CFAP77: variants seen among roughly 807,000 people sequenced by gnomAD.
The protein encoded by CFAP77 is cilia- and flagella-associated protein 77.
CFAP77 carries 25 observed loss-of-function variants against 31.1 expected under a neutral mutation model. The ratio of observed to expected loss-of-function variants is 0.80; its 90% CI spans 0.59 to 1.12. The LOEUF (loss-of-function observed/expected upper bound fraction) is 1.12. CFAP77 is among the 50% of genes most tolerant of loss of function. The pLI, the probability that CFAP77 is intolerant of heterozygous loss-of-function variation, is 0.00. For synonymous variants in CFAP77, 151 were observed against 159.9 expected (o/e 0.94, Z 0.42); for missense variants, 377 against 397.3 (o/e 0.95, Z 0.44).
At chr9:132,444,974 CTTT>C (rs564127221) in intron 1 of CFAP77, among the ~76,000 whole-genome samples, 4 of 133,726 alleles carry the variant, frequency 3.0e-5, no homozygotes, top group Non-Finnish European at 3.2e-5. Context: ...TTCTTTCTTT[CTTT>C]TTTTTTTTTT....
intron 1 of CFAP77, among the ~76,000 whole-genome samples, chr9:132,413,893 C>T (rs1165361917): frequency 6.6e-6 from 1 of 152,172 alleles, no homozygotes; most frequent in Admixed American, 6.5e-5. Flanking sequence ...ATAAGAAGTG[C>T]ATGCATTTTT....
At chr9:132,425,072 C>G (rs777512596) in intron 1 of CFAP77, among the ~76,000 whole-genome samples, 1 of 152,152 alleles carries the variant, frequency 6.6e-6, no homozygotes, top group African/African-American at 2.4e-5. Context: ...AACCAACAGG[C>G]CTGATCTGGC....
At chr9:132,550,688 T>A (rs772222369) in intron 5 of CFAP77, among the ~76,000 whole-genome samples, 1 of 150,590 alleles carries the variant, frequency 6.6e-6, no homozygotes, top group African/African-American at 2.5e-5. Flanking sequence ...AATTTTTAAT[T>A]TTTTTTTTGT....
At chr9:132,478,749 A>AGGT (rs1851395863) in intron 1 of CFAP77, among the ~76,000 whole-genome samples, 1 of 152,174 alleles carries the variant, frequency 6.6e-6, no homozygotes, top group Non-Finnish European at 1.5e-5. Flanking sequence ...AACCAAAATG[A>AGGT]TGGAGTTCAT....
At chr9:132,533,450 C>G (rs1167175291) in intron 3 of CFAP77, among the ~76,000 whole-genome samples, 1 of 147,398 alleles carries the variant, frequency 6.8e-6, no homozygotes, top group Admixed American at 6.6e-5. Flanking sequence ...AGGCCCCGCT[C>G]CCTCCCAGGG....
rs994716045 is a variant in CFAP77, at chr9:132,424,802, A to G, written c.195+14336A>G. On this transcript the variant is annotated intron_variant, in intron 1 of 5. Transcript: ENST00000393216. The surrounding 1 kb of genome is among the most constrained non-coding windows in gnomAD (Gnocchi z 4.1). ...CAGGGAGCCAGGATGGCTGGGGGCAAAACCTCCATCAAGGCTGAGCAGAGC... is the reference window on the plus strand; with the variant it reads ...CAGGGAGCCAGGATGGCTGGGGGCAGAACCTCCATCAAGGCTGAGCAGAGC... Among the ~76,000 whole-genome samples the G allele has an allele frequency of 1.3e-5, 2 of 152,204 alleles. No homozygotes were observed. The highest frequency in any genetic ancestry group is 2.9e-5 in the Non-Finnish European group (2 of 68,024).
rs557054288 is a variant in CFAP77 at position 132,517,962 on chromosome 9, T to C, written c.524+18362T>C. Among the ~76,000 whole-genome samples, 2 of 152,290 alleles carry C rather than the reference T, an allele frequency of 1.3e-5. No individual in the cohort carries two copies. The highest frequency in any genetic ancestry group is 2.4e-5 in the African/African-American group (1 of 41,566). On this transcript the variant is annotated intron_variant, in intron 3 of 5. Coordinates refer to ENST00000393216, the MANE Select transcript of CFAP77 (RefSeq NM_001282957.2). This position sits in a 1 kb window ranked among gnomAD's most constrained non-coding sequence, Gnocchi z 4.7. The stretch of plus-strand genomic sequence containing the variant: ...CTGATTTCATTTCATTCCCCCTTTT[T>C]CGCTTTATGGGACTGAGTTTTGACC...
intron 4 of CFAP77, among the ~76,000 whole-genome samples, chr9:132,538,303 G>A (rs763971986): frequency 2.0e-5 from 3 of 151,996 alleles, no homozygotes; most frequent in African/African-American, 7.3e-5. Context: ...CTTCCCAGGC[G>A]TGGAAGTCGA....
Position 132,564,942 on chromosome 9 carries a change from C to T in CFAP77, c.733-7446C>T, listed in dbSNP as rs189710308. Among the ~76,000 whole-genome samples, 1 of 152,110 alleles carries T rather than the reference C, an allele frequency of 6.6e-6. No homozygotes were observed. The highest frequency in any genetic ancestry group is 1.5e-5 in the Non-Finnish European group (1 of 68,018). On this transcript the variant is annotated intron_variant, in intron 5 of 5. Coordinates refer to ENST00000393216, the MANE Select transcript of CFAP77 (RefSeq NM_001282957.2). This position sits in a 1 kb window ranked among gnomAD's most constrained non-coding sequence, Gnocchi z 4.6. Reference sequence around the variant, plus strand: ...AGCTCTGCCCAGGACTCACGGGAGACCTGGGAGGGTCACTTCTCACCTTCG... The same window carrying T: ...AGCTCTGCCCAGGACTCACGGGAGATCTGGGAGGGTCACTTCTCACCTTCG...
At chr9:132,509,634 T>G (rs1050435612) in intron 3 of CFAP77, among the ~76,000 whole-genome samples, 2 of 152,008 alleles carry the variant, frequency 1.3e-5, no homozygotes, top group African/African-American at 2.4e-5. Context: ...CCAGGTGTGG[T>G]GGTGGGTGCC....
chr9:132,536,848 CT>C (rs1318057515), intron 3 of CFAP77, among the ~76,000 whole-genome samples: 3 of 152,176 alleles, frequency 2.0e-5, no homozygotes, highest in African/African-American at 7.2e-5. Context: ...GCTTCCCGTG[CT>C]GCTCTGGGAT....
At chr9:132,523,089 T>TC (rs1852298081) in intron 3 of CFAP77, among the ~76,000 whole-genome samples, 1 of 123,586 alleles carries the variant, frequency 8.1e-6, no homozygotes, top group Non-Finnish European at 1.7e-5. Flanking sequence ...TTCTTCTTTC[T>TC]TTTTTTTTTT....
chr9:132,492,354 C>T (rs1311561527), intron 1 of CFAP77, among the ~76,000 whole-genome samples: 5 of 152,232 alleles, frequency 3.3e-5, no homozygotes, highest in Non-Finnish European at 5.9e-5. Context: ...TTTACCTGGG[C>T]TTCTCCTGTG....
chr9:132,447,998 G>A (rs555525610), intron 1 of CFAP77, among the ~76,000 whole-genome samples: 2 of 152,222 alleles, frequency 1.3e-5, no homozygotes, highest in Non-Finnish European at 2.9e-5. Context: ...TGGTGACAAT[G>A]TTATGTGCTT....
rs1182746990 is a variant in CFAP77, at chr9:132,490,553, A to C, written c.196-8142A>C. 6.6e-6 allele frequency among the ~76,000 whole-genome samples: 1 copy of C among 152,102 alleles called. No homozygotes were observed. Among genetic ancestry groups the C allele is most frequent in the African/African-American group, 2.4e-5 (1 of 41,408 alleles). On this transcript the variant is annotated intron_variant, in intron 1 of 5. Transcript: ENST00000393216. This position sits in a 1 kb window ranked among gnomAD's most constrained non-coding sequence, Gnocchi z 4.6. ...AGGCTTCTAGAAGGCCCCACTGGAC[A>C]AGCTGGGGAGGGAGGCCAAGGGTCA...
Position 132,416,329 on chromosome 9 carries a change from ATT to A in CFAP77, c.195+5890_195+5891del, listed in dbSNP as rs71503303. ...ATAACTGTTGAGTGCTTCTTATCTG[ATT>A]TTTTTTTTTTTTTTTTTTTTTTTTT... is the stretch of plus-strand genomic sequence containing the variant. On this transcript the variant is annotated intron_variant, in intron 1 of 5. Coordinates refer to ENST00000393216, the MANE Select transcript of CFAP77 (RefSeq NM_001282957.2). Among the ~76,000 whole-genome samples the A allele has an allele frequency of 6.6e-3, 399 of 60,244 alleles. 2 individuals are homozygous for A. The highest frequency in any genetic ancestry group is 0.018 in the African/African-American group (315 of 17,286). The allele number at this position is 60,244 out of a possible 152,430, so 39.5% of individuals were successfully genotyped here.
At chr9:132,441,328 A>G (rs1850612338) in intron 1 of CFAP77, among the ~76,000 whole-genome samples, 1 of 152,192 alleles carries the variant, frequency 6.6e-6, no homozygotes, top group Non-Finnish European at 1.5e-5. Context: ...CTGCAGTGCA[A>G]GGTTCAGGGA....
chr9:132,459,016 C>T (rs1017973243), intron 1 of CFAP77, among the ~76,000 whole-genome samples: 6 of 151,758 alleles, frequency 4.0e-5, no homozygotes, highest in East Asian at 1.9e-4. Context: ...AAAAGATAGT[C>T]TGGGTAAATT....
At chr9:132,417,374 A>T (rs1272890967) in intron 1 of CFAP77, among the ~76,000 whole-genome samples, 1 of 152,136 alleles carries the variant, frequency 6.6e-6, no homozygotes, top group African/African-American at 2.4e-5. Context: ...CGGCCTCCCA[A>T]ATTGCTGGGA....
Sources: allele counts gnomAD v4.1 joint callset (sites outside exome capture counted in the v4.1 genomes callset), GRCh38; gene constraint gnomAD v4.1.1; non-coding constraint Gnocchi (gnomAD v3.1); transcripts MANE v1.5; gene names NCBI Gene and HGNC (gene_info 2026-07-23, HGNC 2026-07-21).